Variants in SUGCT observed in about 807,000 individuals in gnomAD.
SUGCT encodes the protein succinyl-CoA:glutarate CoA-transferase.
A neutral mutation model predicts 55.0 loss-of-function variants in SUGCT; 41 were observed. The ratio of observed to expected loss-of-function variants is 0.74; its 90% CI spans 0.58 to 0.97. The LOEUF (loss-of-function observed/expected upper bound fraction) is 0.97, where lower values mean the gene tolerates loss of function less well. SUGCT is among the 50% of genes least tolerant of loss of function. The probability of loss-of-function intolerance (pLI) is 0.00; values close to 1 mark genes in which losing one functional copy is unlikely to be tolerated. For missense variants in SUGCT, 568 were observed against 547.8 expected, an observed-to-expected ratio of 1.04 and a Z score of -0.37; for synonymous variants, 187 against 200.4, an observed-to-expected ratio of 0.93 and a Z score of 0.56.
chr7:40,139,586 TTTG>T (rs1365751986), intron 1 of SUGCT, among the ~76,000 whole-genome samples: 2 of 152,222 alleles, frequency 1.3e-5, no homozygotes, highest in Admixed American at 6.5e-5. Context: ...TTATTTGTTT[TTTG>T]TTGTTGAGTT....
At chr7:40,147,449 C>T (rs1788314271) in intron 1 of SUGCT, among the ~76,000 whole-genome samples, 1 of 152,216 alleles carries the variant, frequency 6.6e-6, no homozygotes, top group South Asian at 2.1e-4. Context: ...GCTTTCTTTC[C>T]CTAGTCCCGA....
chr7:40,965,451 G>GA, the SUGCT span: 4 of 151,710 alleles, frequency 2.6e-5, no homozygotes, highest in Non-Finnish European at 4.4e-5. Context: ...CAATTACTCT[G>GA]AAAAAATAGG....
chr7:40,178,180 T>C (rs796313761), intron 1 of SUGCT, among the ~76,000 whole-genome samples: 19 of 152,344 alleles, frequency 1.2e-4, no homozygotes, highest in African/African-American at 4.3e-4. Context: ...TCCTTGCCTT[T>C]TTATTTTTTA....
rs542053255 is a variant in SUGCT at position 40,643,511 on chromosome 7, T to G, written c.1090-105923T>G. 4.6e-5 allele frequency among the ~76,000 whole-genome samples: 7 copies of G among 152,314 alleles called. No individual in the cohort carries two copies. In the South Asian group the frequency reaches 1.5e-3, roughly 32 times the overall value. Reference sequence around the variant, plus strand: ...GTTGAGCCTGGACTTCCCACACCTCTTACGTTTTTGTCCCATTCAACAAGA... The same window carrying G: ...GTTGAGCCTGGACTTCCCACACCTCGTACGTTTTTGTCCCATTCAACAAGA... On this transcript the variant is annotated intron_variant, in intron 12 of 13. Transcript: ENST00000335693.
rs142069206 is a variant in SUGCT at position 40,458,929 on chromosome 7, C to T, written c.889-172C>T. On this transcript the variant is annotated intron_variant, in intron 10 of 13. Transcript: ENST00000335693. ...TATGAATGACAAACCCTTTCACCAG[C>T]ATGTTCCATCCTAATCGTGTGCTTG... Among the ~76,000 whole-genome samples the T allele has an allele frequency of 8.5e-4, 130 of 152,310 alleles. 1 individual carries two copies. Among genetic ancestry groups the T allele is most frequent in the East Asian group, 4.6e-3 (24 of 5,184 alleles).
chr7:40,188,434 C>CAAAAAAA (rs35948652), intron 3 of SUGCT, 61 bp from the exon 4 acceptor site: 49 of 601,930 alleles, frequency 8.1e-5, no homozygotes, highest in East Asian at 2.5e-4. Context: ...ACTCCATCTC[C>CAAAAAAA]AAAAAAAAAA....
chr7:40,313,222 A>G (rs140209854), intron 8 of SUGCT, among the ~76,000 whole-genome samples: 62 of 152,342 alleles, frequency 4.1e-4, no homozygotes, highest in African/African-American at 1.3e-3. Context: ...CAACATTCTG[A>G]GTAAATTATA....
chr7:40,908,168 G>A, the SUGCT span, among the ~76,000 whole-genome samples: 2 of 151,802 alleles, frequency 1.3e-5, no homozygotes, highest in African/African-American at 4.8e-5. Flanking sequence ...CACGAGGTCA[G>A]GAGATCGAGA....
intron 12 of SUGCT, among the ~76,000 whole-genome samples, chr7:40,719,914 GC>G (rs1008786966): frequency 6.6e-6 from 1 of 152,098 alleles, no homozygotes; most frequent in African/African-American, 2.4e-5. Context: ...TCCTGCCTCA[GC>G]CTCCTGAGTA....
At chr7:40,807,861 A>G (rs2128754762) in intron 13 of SUGCT, among the ~76,000 whole-genome samples, 1 of 152,364 alleles carries the variant, frequency 6.6e-6, no homozygotes, top group South Asian at 2.1e-4. Context: ...CCAATGTTTG[A>G]GAGCAAGAAG....
At chr7:40,707,646 G>A (rs139040791) in intron 12 of SUGCT, among the ~76,000 whole-genome samples, 2 of 152,280 alleles carry the variant, frequency 1.3e-5, no homozygotes, top group East Asian at 3.9e-4. Context: ...TTTAAAACCA[G>A]CACCTACAAT....
chr7:40,317,032 G>C (rs963327291), intron 9 of SUGCT, among the ~76,000 whole-genome samples, 177 bp downstream of exon 9: 4 of 106,912 alleles, frequency 3.7e-5, no homozygotes, highest in African/African-American at 1.1e-4. Context: ...GTTCTGTTTT[G>C]CGTATTTCTT....
At chr7:40,895,260 A>G in the SUGCT span, among the ~76,000 whole-genome samples, 1 of 152,176 alleles carries the variant, frequency 6.6e-6, no homozygotes, top group Non-Finnish European at 1.5e-5. Context: ...GAGCTCAACA[A>G]TAAGAGCACA....
intron 7 of SUGCT, among the ~76,000 whole-genome samples, chr7:40,260,273 A>G (rs949865936): frequency 1.3e-5 from 2 of 152,114 alleles, no homozygotes; most frequent in Non-Finnish European, 2.9e-5. Flanking sequence ...TCCTCTTTAG[A>G]ATATTAGTGG....
chr7:40,343,907 C>T (rs1435587630), intron 9 of SUGCT, among the ~76,000 whole-genome samples: 8 of 152,174 alleles, frequency 5.3e-5, no homozygotes, highest in Non-Finnish European at 1.0e-4. Context: ...CTGCCCGCCT[C>T]GGCCTCCCAA....
chr7:40,345,721 G>A (rs1328269979), intron 9 of SUGCT, among the ~76,000 whole-genome samples: 8 of 151,934 alleles, frequency 5.3e-5, no homozygotes, highest in Admixed American at 5.2e-4. Context: ...TGCATCATAG[G>A]TATGTATATA....
chr7:40,200,565 G>A (rs1786535120), intron 6 of SUGCT, among the ~76,000 whole-genome samples: 1 of 152,148 alleles, frequency 6.6e-6, no homozygotes, highest in African/African-American at 2.4e-5. Context: ...AGATCTAGAC[G>A]CCTTTAAGGA....
chr7:40,916,226 A>G, the SUGCT span, among the ~76,000 whole-genome samples: 1 of 152,110 alleles, frequency 6.6e-6, no homozygotes, highest in Non-Finnish European at 1.5e-5. Flanking sequence ...ACCAGACCTA[A>G]TATTTTGTAT....
intron 7 of SUGCT, among the ~76,000 whole-genome samples, chr7:40,260,310 A>G (rs1231711452): frequency 6.6e-6 from 1 of 152,186 alleles, no homozygotes. Flanking sequence ...TCTTTGGGAC[A>G]TTCCTTTTGT....
Sources: allele counts gnomAD v4.1 joint callset (sites outside exome capture counted in the v4.1 genomes callset), GRCh38; gene constraint gnomAD v4.1.1; transcripts MANE v1.5; gene names NCBI Gene and HGNC (gene_info 2026-07-23, HGNC 2026-07-21).